Variants in GRIA3 observed in about 807,000 individuals in gnomAD.
The protein encoded by GRIA3 is glutamate receptor 3.
Under a neutral mutation model 63.0 loss-of-function variants are expected in GRIA3, and 3 were observed. The ratio of observed to expected loss-of-function variants is 0.05; its 90% CI spans 0.02 to 0.12. The LOEUF (loss-of-function observed/expected upper bound fraction) is 0.12. Among genes scored for constraint, GRIA3 ranks in the 10% least tolerant of loss-of-function variants. GRIA3 has a pLI of 1.00. For missense variants in GRIA3, 347 were observed against 700.9 expected, an observed-to-expected ratio of 0.50 and a Z score of 5.70; for synonymous variants, 274 against 257.9, an observed-to-expected ratio of 1.06 and a Z score of -0.60.
At chrX:123,312,323 AG>A (rs2044799329) in intron 3 of GRIA3, among the ~76,000 whole-genome samples, 1 of 112,190 alleles carries the variant, frequency 8.9e-6, no homozygotes, top group Admixed American at 9.5e-5. Flanking sequence ...TGGATGTGAG[AG>A]CTCGGAATCT....
chrX:123,337,319 A>T (rs1031929728), intron 4 of GRIA3, among the ~76,000 whole-genome samples: 1 of 112,141 alleles, frequency 8.9e-6, no homozygotes, highest in African/African-American at 3.2e-5. Flanking sequence ...AATTGTTCAT[A>T]AAAGAAGAAT....
chrX:123,456,418 A>G (rs1024164385), intron 12 of GRIA3, among the ~76,000 whole-genome samples: 1 of 111,797 alleles, frequency 8.9e-6, no homozygotes, highest in Non-Finnish European at 1.9e-5. Context: ...GTTGTATGGC[A>G]GGTAATTCTC....
intron 5 of GRIA3, among the ~76,000 whole-genome samples, chrX:123,389,525 C>A (rs1187003600): frequency 9.0e-6 from 1 of 110,886 alleles, no homozygotes; most frequent in Non-Finnish European, 1.9e-5. Flanking sequence ...ATAAGTATAG[C>A]TACTCCTGCT....
chrX:123,477,775 A>G (rs1257440866), intron 13 of GRIA3, among the ~76,000 whole-genome samples: 7 of 111,595 alleles, frequency 6.3e-5, no homozygotes, highest in Admixed American at 5.7e-4. Flanking sequence ...AAATCTCCCT[A>G]TTAGACCTTA....
intron 3 of GRIA3, among the ~76,000 whole-genome samples, chrX:123,257,801 G>A (rs935604198): frequency 9.0e-6 from 1 of 111,433 alleles, no homozygotes; most frequent in Non-Finnish European, 1.9e-5. Flanking sequence ...TGAGAAATGG[G>A]TTAAATGTTT....
At chrX:123,469,348 T>C (rs1430773235) in intron 13 of GRIA3, among the ~76,000 whole-genome samples, 1 of 112,000 alleles carries the variant, frequency 8.9e-6, no homozygotes, top group African/African-American at 3.2e-5. Flanking sequence ...AACAGCAAAT[T>C]TTCAGGCTGT....
intron 2 of GRIA3, among the ~76,000 whole-genome samples, chrX:123,222,257 A>G (rs762447740): frequency 8.9e-6 from 1 of 112,087 alleles, no homozygotes; most frequent in Non-Finnish European, 1.9e-5. Context: ...CCAGCACAGT[A>G]CTTAACACAT....
At chrX:123,473,119 G>A (rs968833985) in intron 13 of GRIA3, among the ~76,000 whole-genome samples, 5 of 111,978 alleles carry the variant, frequency 4.5e-5, no homozygotes, top group African/African-American at 1.3e-4. Flanking sequence ...ATGCTCCCAC[G>A]TTGTACAGAA....
At chrX:123,437,271 T>C (rs778006931) in intron 12 of GRIA3, among the ~76,000 whole-genome samples, 1 of 110,383 alleles carries the variant, frequency 9.1e-6, no homozygotes, top group South Asian at 3.9e-4. Flanking sequence ...TTGCATTCTG[T>C]TGGAAGGAGA....
At chrX:123,239,121 G>T (rs1026452381) in intron 2 of GRIA3, among the ~76,000 whole-genome samples, 2 of 110,715 alleles carry the variant, frequency 1.8e-5, no homozygotes, top group Non-Finnish European at 3.8e-5. Flanking sequence ...GCCAATGGCG[G>T]TGTTGACAGG....
chrX:123,448,582 C>A (rs2045714843), intron 12 of GRIA3, among the ~76,000 whole-genome samples: 1 of 112,078 alleles, frequency 8.9e-6, no homozygotes, highest in Non-Finnish European at 1.9e-5. Flanking sequence ...ATGGTACCCA[C>A]TAGCCACGTG....
chrX:123,413,109 A>G (rs1256291519), intron 10 of GRIA3, among the ~76,000 whole-genome samples: 1 of 111,426 alleles, frequency 9.0e-6, no homozygotes, highest in East Asian at 2.8e-4. Flanking sequence ...TGCTTTATCC[A>G]TCTGGCCACG....
chrX:123,426,065 G>A (rs1410967295), intron 11 of GRIA3, among the ~76,000 whole-genome samples: 1 of 111,120 alleles, frequency 9.0e-6, no homozygotes, highest in African/African-American at 3.3e-5. Flanking sequence ...TCTTCCCACA[G>A]AGCCTGGAGA....
intron 3 of GRIA3, among the ~76,000 whole-genome samples, chrX:123,259,618 A>G (rs1186956947): frequency 8.9e-6 from 1 of 112,006 alleles, no homozygotes; most frequent in Non-Finnish European, 1.9e-5. Flanking sequence ...CCATTTCTTA[A>G]GCACTTATTA....
chrX:123,312,910 G>A (rs1389688869), intron 3 of GRIA3, among the ~76,000 whole-genome samples: 1 of 111,823 alleles, frequency 8.9e-6, no homozygotes, highest in Non-Finnish European at 1.9e-5. Flanking sequence ...TTGTCTTTCT[G>A]GGCTTCAGTT....
chrX:123,368,540 GT>G (rs2045227845), intron 5 of GRIA3, among the ~76,000 whole-genome samples: 1 of 111,027 alleles, frequency 9.0e-6, no homozygotes, highest in African/African-American at 3.3e-5. Context: ...CCAACTGCTG[GT>G]GATGCCAGAA....
At chrX:123,186,263 G>C (rs1223095789) in intron 2 of GRIA3, among the ~76,000 whole-genome samples, 1 of 110,329 alleles carries the variant, frequency 9.1e-6, no homozygotes, top group African/African-American at 3.3e-5. Context: ...CTAACCTAGT[G>C]TGTTCCTTCT....
intron 3 of GRIA3, 136 bp downstream of exon 3, chrX:123,253,678 C>A: frequency 1.8e-6 from 1 of 559,885 alleles, no homozygotes. Context: ...CCAAATAAAT[C>A]AAAGGTTAAG....
intron 2 of GRIA3, among the ~76,000 whole-genome samples, chrX:123,242,445 A>G (rs1228074159): frequency 8.9e-6 from 1 of 112,037 alleles, no homozygotes; most frequent in East Asian, 2.8e-4. Flanking sequence ...TGTTTCATTG[A>G]CTGTGACTGG....
Sources: allele counts gnomAD v4.1 joint callset (sites outside exome capture counted in the v4.1 genomes callset), GRCh38; gene constraint gnomAD v4.1.1; transcripts MANE v1.5; gene names NCBI Gene and HGNC (gene_info 2026-07-23, HGNC 2026-07-21).